TJP3: variants seen among roughly 807,000 people sequenced by gnomAD.
The protein encoded by TJP3 is tight junction protein ZO-3.
In TJP3, 85 loss-of-function variants were observed where a neutral mutation model predicts 104.2. The observed-to-expected ratio is 0.82, with a 90% CI of 0.68 to 0.98. The LOEUF (loss-of-function observed/expected upper bound fraction) is 0.98. Among genes scored for constraint, TJP3 ranks in the 50% least tolerant of loss-of-function variants. TJP3 has a pLI of 0.00. For synonymous variants in TJP3, 550 were observed against 550.6 expected, an observed-to-expected ratio of 1.00 and a Z score of 0.02; for missense variants, 1,367 against 1,322.8, an observed-to-expected ratio of 1.03 and a Z score of -0.52.
At position 3,746,707 on chromosome 19, in the gene TJP3, G is replaced by A. The variant is rs773083165; in HGVS notation, c.2221+12G>A. ...CCACCTCTTCACAGGTTGGGGGGTG[G>A]GTGTCCCAGGGTAGGCGGGTGGGCC... On this transcript the variant is annotated intron_variant, in intron 17 of 20. Transcript: ENST00000541714. The surrounding 1 kb of genome is among the most constrained non-coding windows in gnomAD (Gnocchi z 4.1). The A allele has an allele frequency of 5.6e-6, 9 of 1,605,848 alleles. No individual in the cohort carries two copies. In the South Asian group the frequency reaches 7.8e-5, roughly 14 times the overall value.
In TJP3 at chr19:3,730,409, A is replaced by G; in HGVS notation, c.316A>G (p.Ser106Gly). ...HLPATKASPS[S>G]PGRQDSDEDD... ...GCCCGCCACCAAAGCCAGCCCCTCC[A>G]GCCCAGGGCGCCAGGACTCGGATGA... Residue 106 changes from serine to glycine, a missense_variant, in exon 5 of 21, where the codon AGC becomes GGC. Coordinates refer to ENST00000541714, the MANE Select transcript of TJP3 (RefSeq NM_001267560.2). The surrounding 1 kb of genome is among the most constrained non-coding windows in gnomAD (Gnocchi z 7.3). 1 of 1,580,684 alleles carries G rather than the reference A, an allele frequency of 6.3e-7. No homozygotes were observed. Among genetic ancestry groups the G allele is most frequent in the Non-Finnish European group, 8.6e-7 (1 of 1,164,924 alleles).
At chr19:3,714,455 G>A (rs1284191152) in intron 1 of TJP3, among the ~76,000 whole-genome samples, 2 of 151,718 alleles carry the variant, frequency 1.3e-5, no homozygotes, top group Non-Finnish European at 2.9e-5. Context: ...TGGGATTACA[G>A]ATGTGAGCCA....
Position 3,747,950 on chromosome 19 carries a change from G to T in TJP3, c.2479G>T (p.Gly827Trp), listed in dbSNP as rs372962303. 1 of 1,613,084 alleles carries T rather than the reference G, an allele frequency of 6.2e-7. No homozygotes were observed. Among genetic ancestry groups the T allele is most frequent in the South Asian group, 1.1e-5 (1 of 91,074 alleles). The stretch of plus-strand genomic sequence containing the variant: ...TGGCGAGGGCTACACAGACGGCGAG[G>T]GGGGGCCCTACACGGATGTGGATGA... ...TDGEGYTDGEGGPYTDVDDEP... is the reference protein window; with the variant it reads ...TDGEGYTDGEWGPYTDVDDEP... Residue 827 changes from glycine to tryptophan, a missense_variant, in exon 19 of 21, where the codon GGG becomes TGG. Transcript: ENST00000541714.
chr19:3,718,017 C>T (rs1207152806), intron 1 of TJP3, among the ~76,000 whole-genome samples: 1 of 151,222 alleles, frequency 6.6e-6, no homozygotes, highest in Non-Finnish European at 1.5e-5. Flanking sequence ...AGTTTGAGAC[C>T]ATCCTGGCTA....
At position 3,750,661 on chromosome 19, in the gene TJP3, T is replaced by C. The variant is rs2036982576; in HGVS notation, c.2737T>C (p.Trp913Arg). 1.2e-6 allele frequency: 2 copies of C among 1,604,306 alleles called. No homozygotes were observed. Among genetic ancestry groups the C allele is most frequent in the Non-Finnish European group, 1.7e-6 (2 of 1,175,440 alleles). The change falls in exon 21 of 21, where the codon TGG becomes CGG. Residue 913 changes from tryptophan to arginine, a missense_variant. By Grantham distance (101) the Trp-to-Arg change is moderately radical (BLOSUM62 -3). Transcript: ENST00000541714. The stretch of plus-strand genomic sequence containing the variant: ...GTCCTCCGATGAAGACGGCTATGAC[T>C]GGGGTCCGGCCACTGACCTGTGACC... ...AESSDEDGYD[W>R]GPATDL
Position 3,730,322 on chromosome 19 carries a change from G to A in TJP3, c.262-33G>A, listed in dbSNP as rs747359721. The A allele has an allele frequency of 2.7e-6, 4 of 1,496,778 alleles. No homozygotes were observed. Among genetic ancestry groups the A allele is most frequent in the Non-Finnish European group, 1.8e-6 (2 of 1,119,728 alleles). 92.7% of individuals were successfully genotyped at this position (1,496,778 alleles called of 1,614,324 possible). A position where few individuals can be genotyped will look rare whatever the true frequency, so the allele number is the denominator to read the frequency against. On this transcript the variant is annotated intron_variant, in intron 4 of 20. Coordinates refer to ENST00000541714, the MANE Select transcript of TJP3 (RefSeq NM_001267560.2). The surrounding 1 kb of genome is among the most constrained non-coding windows in gnomAD (Gnocchi z 7.3). ...GCAGAGCCTCCCCCAGCCCTTGCCT[G>A]TAGCTGACCCTTCCTGTCCCCTCCT...
At chr19:3,735,485 C>T in intron 8 of TJP3, 81 bp from the exon 9 acceptor site, 1 of 1,404,652 alleles carries the variant, frequency 7.1e-7, no homozygotes, top group Non-Finnish European at 1.0e-6. Context: ...AGGCATGAAC[C>T]ACCGTGCCCG....
At position 3,746,871 on chromosome 19, in the gene TJP3, G is replaced by A. The variant is rs367628598; in HGVS notation, c.2317G>A (p.Asp773Asn). Reference protein sequence around the residue: ...QQTRPIWTAEDQLDGSLEDNL... With the variant: ...QQTRPIWTAENQLDGSLEDNL... ...GACGCGGCCCATCTGGACGGCGGAA[G>A]ATCAGGTACTGCCGCGGTGTGGGTG... is the stretch of plus-strand genomic sequence containing the variant. The change falls in exon 18 of 21, where the codon GAT (aspartate) becomes AAT (asparagine). Residue 773 changes from aspartate (D) to asparagine (N), a missense_variant. Transcript: ENST00000541714. The surrounding 1 kb of genome is among the most constrained non-coding windows in gnomAD (Gnocchi z 4.1). The A allele has an allele frequency of 5.9e-5, 89 of 1,506,880 alleles. No homozygotes were observed. Among genetic ancestry groups the A allele is most frequent in the Non-Finnish European group, 7.6e-5 (84 of 1,108,276 alleles). 93.3% of individuals were successfully genotyped at this position (1,506,880 alleles called of 1,614,324 possible).
intron 1 of TJP3, among the ~76,000 whole-genome samples, chr19:3,712,361 G>T (rs1028892041): frequency 6.6e-6 from 1 of 152,102 alleles, no homozygotes; most frequent in African/African-American, 2.4e-5. Flanking sequence ...TAGCGTAGAT[G>T]GTTTCCATGG....
intron 1 of TJP3, chr19:3,721,987 C>A: frequency 1.2e-6 from 1 of 856,558 alleles, no homozygotes; most frequent in Non-Finnish European, 1.6e-6. Flanking sequence ...GTTTGGGAGT[C>A]GGACCCAGGA....
intron 14 of TJP3, among the ~76,000 whole-genome samples, chr19:3,741,428 C>T (rs1042534458): frequency 6.6e-6 from 1 of 152,044 alleles, no homozygotes; most frequent in Non-Finnish European, 1.5e-5. Context: ...TATGATCGCA[C>T]CAGCCTGGCC....
rs550981127 is a variant in TJP3 at position 3,728,865 on chromosome 19, C to T, written c.158+152C>T. 7 of 770,622 alleles carry T rather than the reference C, an allele frequency of 9.1e-6. No homozygotes were observed. In the East Asian group the frequency reaches 1.6e-4, roughly 18 times the overall value. The allele number at this position is 770,622 out of a possible 1,614,324, so 47.7% of individuals were successfully genotyped here. ...TTCAGGAGTTTGAGACCAGCCTGGCCAACATGGTGAAACCCCGTCTCTACT... is the reference window on the plus strand; with the variant it reads ...TTCAGGAGTTTGAGACCAGCCTGGCTAACATGGTGAAACCCCGTCTCTACT... On this transcript the variant is annotated intron_variant, in intron 3 of 20. Coordinates refer to ENST00000541714, the MANE Select transcript of TJP3 (RefSeq NM_001267560.2).
Position 3,746,960 on chromosome 19 carries a change from G to A in TJP3, c.2322+84G>A. The stretch of plus-strand genomic sequence containing the variant: ...AGCTGGGGTTTGGGGCCTCTGTCGG[G>A]AGTTAGGGCTTGGTCAGGGATCAGG... On this transcript the variant is annotated intron_variant, in intron 18 of 20. Coordinates refer to ENST00000541714, the MANE Select transcript of TJP3 (RefSeq NM_001267560.2). The surrounding 1 kb of genome is among the most constrained non-coding windows in gnomAD (Gnocchi z 4.1). The A allele has an allele frequency of 7.5e-7, 1 of 1,339,462 alleles. No individual in the cohort carries two copies. The highest frequency in any genetic ancestry group is 1.0e-6 in the Non-Finnish European group (1 of 962,032). 83.0% of individuals were successfully genotyped at this position (1,339,462 alleles called of 1,614,324 possible).
Position 3,739,135 on chromosome 19 carries a change from G to A in TJP3, c.1631+1G>A, listed in dbSNP as rs1336740145. On this transcript the variant is annotated splice_donor_variant, in intron 13 of 20. Coordinates refer to ENST00000541714, the MANE Select transcript of TJP3 (RefSeq NM_001267560.2). LOFTEE classifies it high-confidence loss of function. ...GGGGCATCATTCCCAACCAGAGCAG[G>A]TGGGGACTGTGTGCTCCTGCAGTGG... is the stretch of plus-strand genomic sequence containing the variant. The A allele has an allele frequency of 6.5e-7, 1 of 1,534,854 alleles. No individual in the cohort carries two copies. The highest frequency in any genetic ancestry group is 2.3e-5 in the East Asian group (1 of 43,698).
At chr19:3,710,832 CAA>C (rs1284436060) in intron 1 of TJP3, among the ~76,000 whole-genome samples, 1 of 152,166 alleles carries the variant, frequency 6.6e-6, no homozygotes, top group Non-Finnish European at 1.5e-5. Context: ...AGACATGAAA[CAA>C]GAGCGCAGTA....
At chr19:3,750,351 A>C (rs545836908) in intron 20 of TJP3, among the ~76,000 whole-genome samples, 167 bp downstream of exon 20, 1 of 152,220 alleles carries the variant, frequency 6.6e-6, no homozygotes, top group African/African-American at 2.4e-5. Context: ...GGGCCAAGGG[A>C]GTAGGAATCC....
At chr19:3,744,725 G>C (rs2036864111) in intron 15 of TJP3, among the ~76,000 whole-genome samples, 1 of 151,362 alleles carries the variant, frequency 6.6e-6, no homozygotes. Context: ...TCAGGAGTTC[G>C]AGACCAGCCT....
intron 1 of TJP3, among the ~76,000 whole-genome samples, chr19:3,709,787 G>A (rs1205008293): frequency 1.3e-5 from 2 of 152,128 alleles, no homozygotes; most frequent in East Asian, 1.9e-4. Flanking sequence ...GAGCAAACCC[G>A]TGGACTCAGT....
At chr19:3,750,333 T>C (rs1201017016) in intron 20 of TJP3, 149 bp downstream of exon 20, 11 of 1,165,462 alleles carry the variant, frequency 9.4e-6, no homozygotes, top group Non-Finnish European at 1.2e-5. Flanking sequence ...CTAAGCCCCA[T>C]ATAATCAGGG....
Sources: allele counts gnomAD v4.1 joint callset (sites outside exome capture counted in the v4.1 genomes callset), GRCh38; gene constraint gnomAD v4.1.1; non-coding constraint Gnocchi (gnomAD v3.1); transcripts MANE v1.5; gene names NCBI Gene and HGNC (gene_info 2026-07-23, HGNC 2026-07-21).